Variants in NEXMIF observed in about 807,000 individuals in gnomAD.
NEXMIF encodes neurite extension and migration factor.
In NEXMIF, 8 loss-of-function variants were observed where a neutral mutation model predicts 62.1. That is an observed-to-expected ratio of 0.13 (90% CI 0.08 to 0.23). NEXMIF has a LOEUF of 0.23. Among genes scored for constraint, NEXMIF ranks in the 10% least tolerant of loss-of-function variants. The pLI is 1.00. For synonymous variants in NEXMIF, 404 were observed against 416.6 expected, an observed-to-expected ratio of 0.97 and a Z score of 0.37; for missense variants, 976 against 1,113.3, an observed-to-expected ratio of 0.88 and a Z score of 1.75.
At chrX:74,891,131 T>C (rs1222977146) in intron 1 of NEXMIF, among the ~76,000 whole-genome samples, 1 of 111,161 alleles carries the variant, frequency 9.0e-6, no homozygotes, top group Non-Finnish European at 1.9e-5. Context: ...CATTGAAAGT[T>C]TTTTTCCTTC....
intron 1 of NEXMIF, among the ~76,000 whole-genome samples, chrX:74,793,682 T>C (rs1437353738): frequency 9.5e-6 from 1 of 104,890 alleles, no homozygotes; most frequent in African/African-American, 3.5e-5. Flanking sequence ...TTTCTTTTTA[T>C]TCTTTTTTCT....
chrX:74,819,459 AATCTACAAAGAACTTAAAC>A (rs2080387260), intron 1 of NEXMIF, among the ~76,000 whole-genome samples: 1 of 112,310 alleles, frequency 8.9e-6, no homozygotes, highest in East Asian at 2.8e-4. Context: ...TGATATCCAG[AATCTACAAAGAACTTAAAC>A]AAATTTACAA....
intron 1 of NEXMIF, among the ~76,000 whole-genome samples, chrX:74,858,198 G>T (rs1250667183): frequency 8.9e-6 from 1 of 112,013 alleles, no homozygotes; most frequent in Non-Finnish European, 1.9e-5. Context: ...GTATTACAGG[G>T]GACCTTGGGT....
intron 1 of NEXMIF, among the ~76,000 whole-genome samples, chrX:74,771,777 A>G (rs1434904160): frequency 9.0e-6 from 1 of 111,423 alleles, no homozygotes; most frequent in Non-Finnish European, 1.9e-5. Context: ...ATAGGCTTAC[A>G]TGGTTATACA....
intron 1 of NEXMIF, among the ~76,000 whole-genome samples, chrX:74,860,739 T>C (rs2080554254): frequency 9.0e-6 from 1 of 111,304 alleles, no homozygotes; most frequent in Admixed American, 9.5e-5. Flanking sequence ...ACCAATGAGA[T>C]ATAGCCAAAG....
At chrX:74,798,548 G>C (rs766118701) in intron 1 of NEXMIF, among the ~76,000 whole-genome samples, 1 of 112,237 alleles carries the variant, frequency 8.9e-6, no homozygotes, top group African/African-American at 3.2e-5. Context: ...CTAATAAAGA[G>C]CAAGGTGGAC....
chrX:74,841,579 A>T (rs1174302247), intron 1 of NEXMIF, among the ~76,000 whole-genome samples: 7 of 111,904 alleles, frequency 6.3e-5, no homozygotes, highest in Non-Finnish European at 1.9e-5. Flanking sequence ...GTATGCTTCC[A>T]GCTTTTCCCC....
chrX:74,762,062 C>T (rs1002633408), intron 1 of NEXMIF, among the ~76,000 whole-genome samples: 1 of 110,151 alleles, frequency 9.1e-6, no homozygotes, highest in African/African-American at 3.3e-5. Context: ...GTACTGCACC[C>T]ATTAACTCCT....
chrX:74,787,384 C>A (rs2080264506), intron 1 of NEXMIF, among the ~76,000 whole-genome samples: 1 of 111,538 alleles, frequency 9.0e-6, no homozygotes, highest in East Asian at 2.8e-4. Context: ...GATGCACTCT[C>A]CGTGACCAGT....
chrX:74,918,715 G>A (rs1459196769), intron 1 of NEXMIF, among the ~76,000 whole-genome samples: 2 of 112,189 alleles, frequency 1.8e-5, no homozygotes, highest in African/African-American at 6.5e-5. Context: ...TGAACTAAAT[G>A]AAGCTCAATT....
chrX:74,747,472 A>G (rs761676690), intron 1 of NEXMIF, among the ~76,000 whole-genome samples: 141 of 111,581 alleles, frequency 1.3e-3, no homozygotes, highest in African/African-American at 4.1e-3. Flanking sequence ...TGACTAAAAC[A>G]GGGCTAGACA....
chrX:74,844,253 G>A (rs898142540), intron 1 of NEXMIF, among the ~76,000 whole-genome samples: 1 of 111,192 alleles, frequency 9.0e-6, no homozygotes, highest in Admixed American at 9.6e-5. Flanking sequence ...ATGATTGTGT[G>A]TCTTGGGGAT....
intron 1 of NEXMIF, among the ~76,000 whole-genome samples, chrX:74,836,354 A>G (rs1352312863): frequency 8.9e-6 from 1 of 112,417 alleles, no homozygotes; most frequent in African/African-American, 3.2e-5. Context: ...TTTCTCATAC[A>G]GAAGGAGTTG....
rs151061671 is a variant in NEXMIF, at chrX:74,742,259, C to A, written c.2298G>T (p.Gly766=). 1.7e-6 allele frequency: 2 copies of A among 1,209,910 alleles called. No individual in the cohort carries two copies. The highest frequency in any genetic ancestry group is 3.5e-5 in the African/African-American group (2 of 57,248). ...KANLKNEVIP[G]TSNSSRLSEF... Reference sequence around the variant, plus strand: ...CAGATAGACGGGAACTGTTTGATGTCCCAGGAATAACTTCATTCTTTAAAT... The same window carrying A: ...CAGATAGACGGGAACTGTTTGATGTACCAGGAATAACTTCATTCTTTAAAT... Residue 766 remains glycine (G), a synonymous_variant, in exon 3 of 4, where the codon GGG becomes GGT. Transcript: ENST00000055682.
chrX:74,892,312 C>T (rs1373813975), intron 1 of NEXMIF, among the ~76,000 whole-genome samples: 2 of 112,296 alleles, frequency 1.8e-5, no homozygotes. Flanking sequence ...AAATTTGTTA[C>T]AGGGCTTCCA....
chrX:74,879,722 C>A (rs1343146596), intron 1 of NEXMIF, among the ~76,000 whole-genome samples: 1 of 112,056 alleles, frequency 8.9e-6, no homozygotes, highest in Non-Finnish European at 1.9e-5. Flanking sequence ...GAACTATTCA[C>A]TTTTCAGAAT....
At chrX:74,923,847 TGTA>T (rs1388591701) in intron 1 of NEXMIF, among the ~76,000 whole-genome samples, 1 of 112,583 alleles carries the variant, frequency 8.9e-6, no homozygotes, top group Non-Finnish European at 1.9e-5. Context: ...CATATCTAAA[TGTA>T]GTGCTGTGCA....
intron 1 of NEXMIF, among the ~76,000 whole-genome samples, chrX:74,894,980 A>G (rs1171776634): frequency 8.9e-6 from 1 of 112,279 alleles, no homozygotes; most frequent in Non-Finnish European, 1.9e-5. Context: ...AGCTAGAGCA[A>G]TCAGACAAGA....
At chrX:74,913,404 C>T (rs745421935) in intron 1 of NEXMIF, among the ~76,000 whole-genome samples, 19 of 111,149 alleles carry the variant, frequency 1.7e-4, no homozygotes, top group African/African-American at 4.9e-4. Context: ...CCTCGGGGAC[C>T]TGTAGAACTA....
Sources: allele counts gnomAD v4.1 joint callset (sites outside exome capture counted in the v4.1 genomes callset), GRCh38; gene constraint gnomAD v4.1.1; transcripts MANE v1.5; gene names NCBI Gene and HGNC (gene_info 2026-07-23, HGNC 2026-07-21).